CDK5RAP2: variants seen among roughly 807,000 people sequenced by gnomAD.
The protein encoded by CDK5RAP2 is CDK5 regulatory subunit associated protein 2.
A neutral mutation model predicts 232.9 loss-of-function variants in CDK5RAP2; 147 were observed. That is an observed-to-expected ratio of 0.63 (90% confidence interval 0.55 to 0.72). CDK5RAP2 has a LOEUF of 0.72. CDK5RAP2 is among the 30% of genes least tolerant of loss of function. The pLI is 0.00. For synonymous variants in CDK5RAP2, 833 were observed against 833.7 expected, an observed-to-expected ratio of 1.00 and a Z score of 0.01; for missense variants, 2,195 against 2,231.5, an observed-to-expected ratio of 0.98 and a Z score of 0.33.
chr9:120,531,767 G>A (rs921265602), intron 7 of CDK5RAP2, among the ~76,000 whole-genome samples: 1 of 152,134 alleles, frequency 6.6e-6, no homozygotes, highest in Non-Finnish European at 1.5e-5. Context: ...ACAGCTTCCT[G>A]GGATGAAGGT....
intron 27 of CDK5RAP2, among the ~76,000 whole-genome samples, chr9:120,415,661 A>G (rs2034166844): frequency 6.6e-6 from 1 of 152,244 alleles, no homozygotes; most frequent in African/African-American, 2.4e-5. Context: ...GAGAATGGTA[A>G]TAAGAAAAGT....
At chr9:120,472,006 G>T in intron 15 of CDK5RAP2, 128 bp from the exon 16 acceptor site, 1 of 1,203,442 alleles carries the variant, frequency 8.3e-7, no homozygotes, top group Non-Finnish European at 1.2e-6. Context: ...GTATATACAG[G>T]TTTACTATAG....
At chr9:120,452,989 A>G (rs569124495) in intron 21 of CDK5RAP2, among the ~76,000 whole-genome samples, 1 of 152,318 alleles carries the variant, frequency 6.6e-6, no homozygotes, top group African/African-American at 2.4e-5. Flanking sequence ...CTACCCCTAA[A>G]GTCAGGTTAT....
At chr9:120,554,942 G>T (rs985605677) in intron 3 of CDK5RAP2, among the ~76,000 whole-genome samples, 1 of 151,844 alleles carries the variant, frequency 6.6e-6, no homozygotes, top group Non-Finnish European at 1.5e-5. Flanking sequence ...CTCAAAATGT[G>T]AAACGTTTAA....
chr9:120,515,498 C>T (rs2040292121), intron 12 of CDK5RAP2, among the ~76,000 whole-genome samples: 1 of 152,126 alleles, frequency 6.6e-6, no homozygotes, highest in African/African-American at 2.4e-5. Context: ...ATTGTAATTC[C>T]ATCAGTATCT....
chr9:120,479,344 C>T (rs944895286), intron 14 of CDK5RAP2, among the ~76,000 whole-genome samples: 13 of 152,022 alleles, frequency 8.6e-5, no homozygotes, highest in Non-Finnish European at 1.9e-4. Flanking sequence ...CCAAGAAACA[C>T]AAAAGGATGC....
In CDK5RAP2 at chr9:120,388,929, A is replaced by G. The variant is rs1056455663; in HGVS notation, c.*307T>C. 7 of 499,900 alleles carry G rather than the reference A, an allele frequency of 1.4e-5. No individual in the cohort carries two copies. The highest frequency in any genetic ancestry group is 1.3e-4 in the African/African-American group (7 of 52,110). The allele number at this position is 499,900 out of a possible 1,614,324, so 31.0% of individuals were successfully genotyped here. On this transcript the variant is annotated 3_prime_UTR_variant, in exon 38 of 38. Coordinates refer to ENST00000349780, the MANE Select transcript of CDK5RAP2 (RefSeq NM_018249.6). Reference sequence around the variant, plus strand: ...CTTCAAACTGTGGCACTGGCTGAGTACTAAGCAAATCCAGGGGAAGACGTG... The same window carrying G: ...CTTCAAACTGTGGCACTGGCTGAGTGCTAAGCAAATCCAGGGGAAGACGTG...
Position 120,419,830 on chromosome 9 carries a change from CATT to C in CDK5RAP2, c.4132_4134del (p.Asn1378del). ...ACCATAACTGAAGTCTTCTCTGTCTCATTATCTTGCTTCTGGTCTCGTGAGAAG... is the reference window on the plus strand; with the variant it reads ...ACCATAACTGAAGTCTTCTCTGTCTCATCTTGCTTCTGGTCTCGTGAGAAG... On this transcript the variant is annotated inframe_deletion, in exon 27 of 38. Coordinates refer to ENST00000349780, the MANE Select transcript of CDK5RAP2 (RefSeq NM_018249.6). 2 of 1,614,068 alleles carry C rather than the reference CATT, an allele frequency of 1.2e-6. No homozygotes were observed. Among genetic ancestry groups the C allele is most frequent in the Middle Eastern group, 1.6e-4 (1 of 6,062 alleles).
At chr9:120,487,265 T>C (rs372640360) in intron 14 of CDK5RAP2, 29 bp downstream of exon 14, 1 of 1,613,264 alleles carries the variant, frequency 6.2e-7, no homozygotes. Flanking sequence ...TCCATTCGCA[T>C]GTGAATGTCC....
chr9:120,458,880 C>T (rs959156638), intron 19 of CDK5RAP2, among the ~76,000 whole-genome samples: 3 of 152,118 alleles, frequency 2.0e-5, no homozygotes. Context: ...TTCTCCTCAC[C>T]CTGTTTCCTC....
intron 22 of CDK5RAP2, among the ~76,000 whole-genome samples, chr9:120,446,184 G>C (rs938205471): frequency 6.6e-6 from 1 of 151,992 alleles, no homozygotes; most frequent in Non-Finnish European, 1.5e-5. Flanking sequence ...GTGTGGCTGT[G>C]TTTCAATAAA....
chr9:120,502,140 C>T (rs979935656), intron 12 of CDK5RAP2, among the ~76,000 whole-genome samples: 2 of 152,186 alleles, frequency 1.3e-5, no homozygotes, highest in Non-Finnish European at 2.9e-5. Context: ...GTCCACTTAA[C>T]GTATATCTAA....
chr9:120,500,502 G>A (rs1257086299), intron 12 of CDK5RAP2, among the ~76,000 whole-genome samples: 1 of 152,160 alleles, frequency 6.6e-6, no homozygotes, highest in African/African-American at 2.4e-5. Flanking sequence ...TAATTTAATT[G>A]GTATAAAAAG....
At chr9:120,560,676 G>A (rs1300447036) in intron 3 of CDK5RAP2, among the ~76,000 whole-genome samples, 2 of 152,162 alleles carry the variant, frequency 1.3e-5, no homozygotes, top group African/African-American at 4.8e-5. Context: ...GAGTGCAGTG[G>A]CGCGATCTCG....
chr9:120,454,077 C>T (rs1157339045), intron 20 of CDK5RAP2, among the ~76,000 whole-genome samples: 2 of 152,176 alleles, frequency 1.3e-5, no homozygotes, highest in African/African-American at 4.8e-5. Flanking sequence ...CAGGTACTAC[C>T]ATGTCATTTC....
At position 120,471,804 on chromosome 9, in the gene CDK5RAP2, T is replaced by A. The variant is rs1273648025; in HGVS notation, c.1802A>T (p.Tyr601Phe). ...RKQLEQDVLS[Y>F]QNLRKTLEEQ... is the part of the protein sequence containing the mutation. ...CTCCAAGGTCTTCCGCAAATTCTGATATGAAAGCACATCCTGCTCCAGTTG... is the reference window on the plus strand; with the variant it reads ...CTCCAAGGTCTTCCGCAAATTCTGAAATGAAAGCACATCCTGCTCCAGTTG... The change falls in exon 16 of 38, where the codon TAT (tyrosine) becomes TTT (phenylalanine). Residue 601 changes from tyrosine to phenylalanine, a missense_variant. Physicochemically the swap from Tyr to Phe is conservative, Grantham distance 22 (BLOSUM62 3). Transcript: ENST00000349780. 1 of 1,613,772 alleles carries A rather than the reference T, an allele frequency of 6.2e-7. No individual in the cohort carries two copies. The highest frequency in any genetic ancestry group is 1.3e-5 in the African/African-American group (1 of 74,934).
At position 120,458,568 on chromosome 9, in the gene CDK5RAP2, C is replaced by A; in HGVS notation, c.2257G>T (p.Glu753Ter). ...CCATCACAATCTGAAATCTTAGACT[C>A]CGTGTGCCTTAAGTATCCATTTTTG... ...GCKNGYLRHT[E>*]SKISDCDGAH... Residue 753 changes from glutamate to a stop codon, truncating the protein, a stop_gained, in exon 20 of 38, where the codon GAG becomes TAG. Transcript: ENST00000349780. LOFTEE classifies it high-confidence loss of function. 6.2e-7 allele frequency: 1 copy of A among 1,614,178 alleles called. No individual in the cohort carries two copies. The highest frequency in any genetic ancestry group is 1.7e-4 in the Middle Eastern group (1 of 6,060).
chr9:120,406,099 T>C (rs1011943038), intron 32 of CDK5RAP2: 2 of 152,238 alleles, frequency 1.3e-5, no homozygotes, highest in African/African-American at 4.8e-5. Context: ...AATGAACTAA[T>C]CACTACGAGC....
chr9:120,540,951 A>G (rs539892964), intron 5 of CDK5RAP2, among the ~76,000 whole-genome samples: 2 of 152,148 alleles, frequency 1.3e-5, no homozygotes, highest in Non-Finnish European at 2.9e-5. Flanking sequence ...CCTGATTAAT[A>G]CCATTGAATG....
Sources: allele counts gnomAD v4.1 joint callset (sites outside exome capture counted in the v4.1 genomes callset), GRCh38; gene constraint gnomAD v4.1.1; transcripts MANE v1.5; gene names NCBI Gene and HGNC (gene_info 2026-07-23, HGNC 2026-07-21).